COL4A4: variants seen among roughly 807,000 people sequenced by gnomAD.
The protein encoded by COL4A4 is collagen alpha-4(IV) chain.
In COL4A4, 105 loss-of-function variants were observed where a neutral mutation model predicts 192.9. That is an observed-to-expected ratio of 0.54 (90% CI 0.46 to 0.64). The LOEUF (loss-of-function observed/expected upper bound fraction) is 0.64. COL4A4 is among the 30% of genes least tolerant of loss of function. COL4A4 has a pLI of 0.00. For missense variants in COL4A4, 1,967 were observed against 2,169.3 expected (o/e 0.91, Z 1.85); for synonymous variants, 762 against 769.9 (o/e 0.99, Z 0.17).
intron 24 of COL4A4, among the ~76,000 whole-genome samples, chr2:227,079,085 A>G (rs949178855): frequency 2.6e-5 from 4 of 152,184 alleles, no homozygotes; most frequent in Admixed American, 1.3e-4. Flanking sequence ...CTCCATGCCC[A>G]CCATATGTGG....
rs1400181110 is a variant in COL4A4, at chr2:227,121,000, A to C, written c.327+14T>G. 3.1e-6 allele frequency: 5 copies of C among 1,613,938 alleles called. No individual in the cohort carries two copies. The South Asian group carries it at 5.5e-5, about 18-fold the overall frequency. ...GAGTCTTTCATGTGAATCTCCACAT[A>C]AGATGTGGCTTACCTTATCTCCTTT... On this transcript the variant is annotated intron_variant, in intron 5 of 47. Transcript: ENST00000396625.
chr2:226,992,351 C>T, the COL4A4 span, among the ~76,000 whole-genome samples: 2 of 152,326 alleles, frequency 1.3e-5, no homozygotes, highest in Admixed American at 1.3e-4. Flanking sequence ...CTCAGATCAA[C>T]TCATATTCAA....
At chr2:227,010,214 A>G (rs549590081) in intron 46 of COL4A4, 99 bp downstream of exon 46, 1 of 1,216,928 alleles carries the variant, frequency 8.2e-7, no homozygotes, top group Non-Finnish European at 1.2e-6. Flanking sequence ...GAATAATCCC[A>G]TATAAGGTTA....
intron 25 of COL4A4, among the ~76,000 whole-genome samples, chr2:227,074,349 G>A (rs562582606): frequency 2.6e-5 from 4 of 152,216 alleles, no homozygotes; most frequent in African/African-American, 9.6e-5. Flanking sequence ...ACTGCAATGA[G>A]ATATTGCCTT....
chr2:227,098,820 G>A (rs771922786), intron 18 of COL4A4, 22 bp from the exon 19 acceptor site: 3 of 1,566,320 alleles, frequency 1.9e-6, no homozygotes, highest in Non-Finnish European at 2.6e-6. Flanking sequence ...AATGGTACAT[G>A]AGAATAAACA....
intron 12 of COL4A4, among the ~76,000 whole-genome samples, chr2:227,105,058 AC>A (rs1369585370): frequency 1.3e-5 from 2 of 152,000 alleles, no homozygotes; most frequent in Non-Finnish European, 2.9e-5. Context: ...TAATCAGAAT[AC>A]TATAATAAAT....
rs1437279788 is a variant in COL4A4 at position 227,080,548 on chromosome 2, C to T, written c.1698G>A (p.Gly566=). ...KGDMVVSRVK[G]HKGERGPDGP... Reference sequence around the variant, plus strand: ...CATCAGGACCTCTTTCTCCTTTGTGCCCTGGAAATAGAGGTCAAAAGATAT... The same window carrying T: ...CATCAGGACCTCTTTCTCCTTTGTGTCCTGGAAATAGAGGTCAAAAGATAT... Residue 566 remains glycine, a splice_region_variant and synonymous_variant, in exon 24 of 48, where the codon GGG becomes GGA. Coordinates refer to ENST00000396625, the MANE Select transcript of COL4A4 (RefSeq NM_000092.5). 6.2e-7 allele frequency: 1 copy of T among 1,613,320 alleles called. No homozygotes were observed. The highest frequency in any genetic ancestry group is 8.5e-7 in the Non-Finnish European group (1 of 1,179,466).
chr2:227,100,439 T>C (rs58552861), intron 17 of COL4A4, among the ~76,000 whole-genome samples: 3 of 151,898 alleles, frequency 2.0e-5, no homozygotes, highest in Non-Finnish European at 4.4e-5. Context: ...AAAAATATTT[T>C]AAAAAAAATA....
chr2:227,029,287 G>T (rs925670841), intron 41 of COL4A4, among the ~76,000 whole-genome samples: 2 of 152,186 alleles, frequency 1.3e-5, no homozygotes, highest in African/African-American at 4.8e-5. Flanking sequence ...AGGAGTGTTA[G>T]CCAGCCCCTT....
At chr2:227,083,899 A>G (rs1355677186) in intron 22 of COL4A4, among the ~76,000 whole-genome samples, 6 of 152,214 alleles carry the variant, frequency 3.9e-5, no homozygotes, top group Admixed American at 3.3e-4. Context: ...ATCAGGCAGT[A>G]ACAGTGAAGA....
chr2:227,114,677 C>T lies in COL4A4; in HGVS notation c.509G>A (p.Gly170Glu). Residue 170 changes from glycine to glutamate, a missense_variant, in exon 8 of 48, where the codon GGA becomes GAA. By Grantham distance (98) the Gly-to-Glu change is moderately conservative. Transcript: ENST00000396625. ...AATGAACACTGAATTTCCTTTTTCT[C>T]CCTTTTCCCCAGGATGGCCCTGAAA... Reference protein sequence around the residue: ...GGPLGHPGEKGEKGNSVFILG... With the variant: ...GGPLGHPGEKEEKGNSVFILG... 1 of 1,613,836 alleles carries T rather than the reference C, an allele frequency of 6.2e-7. No homozygotes were observed. The highest frequency in any genetic ancestry group is 8.5e-7 in the Non-Finnish European group (1 of 1,179,724).
intron 4 of COL4A4, among the ~76,000 whole-genome samples, chr2:227,125,124 C>T (rs2062009941): frequency 6.6e-6 from 1 of 152,028 alleles, no homozygotes; most frequent in Admixed American, 6.6e-5. Context: ...AAATATTTAA[C>T]ACAACAGTTA....
intron 33 of COL4A4, among the ~76,000 whole-genome samples, chr2:227,050,543 A>G (rs36068256): frequency 3.0e-4 from 46 of 152,362 alleles, no homozygotes; most frequent in Non-Finnish European, 5.3e-4. Context: ...GTTGGCAACT[A>G]CATGTATTGT....
chr2:227,016,862 T>G (rs1407299944), intron 44 of COL4A4, among the ~76,000 whole-genome samples: 1 of 152,190 alleles, frequency 6.6e-6, no homozygotes, highest in Non-Finnish European at 1.5e-5. Context: ...TGGTTACCAT[T>G]CAGTAGGTGA....
rs186336968 is a variant in COL4A4, at chr2:227,021,920, C to G, written c.4216+128G>C. On this transcript the variant is annotated intron_variant, in intron 44 of 47. Coordinates refer to ENST00000396625, the MANE Select transcript of COL4A4 (RefSeq NM_000092.5). ...TTTGGATCAAGGTAGAAACAAATTG[C>G]AAAGGGAAAGACATGCTTTCTCCTC... 8.2e-6 allele frequency: 9 copies of G among 1,095,338 alleles called. No individual in the cohort carries two copies. The African/African-American group carries it at 1.4e-4, about 17-fold the overall frequency. 67.9% of individuals were successfully genotyped at this position (1,095,338 alleles called of 1,614,324 possible).
At chr2:227,064,931 C>A (rs6436651) in intron 25 of COL4A4, among the ~76,000 whole-genome samples, 100,578 of 152,118 alleles carry the variant, frequency 0.66, 34,137 homozygotes, top group African/African-American at 0.81. Flanking sequence ...TCCCAGCGCG[C>A]GCGACGCAGA....
intron 8 of COL4A4, 124 bp from the exon 9 acceptor site, chr2:227,111,837 G>C (rs1395385497): frequency 9.8e-7 from 1 of 1,020,452 alleles, no homozygotes; most frequent in Admixed American, 2.0e-5. Context: ...CAATTTTTTT[G>C]GTGTTGACTA....
chr2:227,093,022 G>C (rs1420294828), intron 20 of COL4A4, among the ~76,000 whole-genome samples: 2 of 152,116 alleles, frequency 1.3e-5, no homozygotes, highest in African/African-American at 2.4e-5. Context: ...GAGTTGTGGG[G>C]GATTTGAGTT....
intron 23 of COL4A4, among the ~76,000 whole-genome samples, chr2:227,081,615 T>C (rs2059330178): frequency 1.3e-5 from 2 of 152,214 alleles, no homozygotes; most frequent in South Asian, 2.1e-4. Context: ...CTTGAGATCA[T>C]ATGAGTCAAT....
Sources: allele counts gnomAD v4.1 joint callset (sites outside exome capture counted in the v4.1 genomes callset), GRCh38; gene constraint gnomAD v4.1.1; transcripts MANE v1.5; gene names NCBI Gene and HGNC (gene_info 2026-07-23, HGNC 2026-07-21).